Variants in CRB1 observed in about 807,000 individuals in gnomAD.
CRB1 encodes protein crumbs homolog 1.
CRB1 carries 83 observed loss-of-function variants against 120.0 expected under a neutral mutation model. The ratio of observed to expected loss-of-function variants is 0.69; its 90% CI spans 0.58 to 0.83. CRB1 has a LOEUF of 0.83. Ranked by LOEUF, CRB1 falls within the 40% of genes least tolerant of loss-of-function variation. CRB1 has a pLI of 0.00. For missense variants in CRB1, 1,699 were observed against 1,687.6 expected (o/e 1.01, Z -0.12); for synonymous variants, 625 against 612.5 (o/e 1.02, Z -0.30).
At chr1:197,377,890 A>C (rs758541673) in intron 5 of CRB1, among the ~76,000 whole-genome samples, 8 of 152,176 alleles carry the variant, frequency 5.3e-5, no homozygotes, top group Non-Finnish European at 1.0e-4. Flanking sequence ...TGTGCAATGA[A>C]GCACTTCCTA....
the CRB1 span, among the ~76,000 whole-genome samples, chr1:197,217,452 A>G: frequency 7.9e-5 from 12 of 152,188 alleles, no homozygotes; most frequent in African/African-American, 2.9e-4. Context: ...GGATAAACAA[A>G]ATTTGGTATA....
At chr1:197,368,272 T>A (rs910548241) in intron 5 of CRB1, among the ~76,000 whole-genome samples, 10 of 152,196 alleles carry the variant, frequency 6.6e-5, no homozygotes, top group Non-Finnish European at 1.3e-4. Flanking sequence ...AAACAGATAT[T>A]TGATATGCAT....
At chr1:197,290,352 A>C (rs1200806683) in intron 1 of CRB1, among the ~76,000 whole-genome samples, 1 of 151,018 alleles carries the variant, frequency 6.6e-6, no homozygotes, top group Non-Finnish European at 1.5e-5. Flanking sequence ...TAAATGGGAT[A>C]GATGCAGAGT....
intron 4 of CRB1, among the ~76,000 whole-genome samples, chr1:197,348,427 TA>T (rs1177636911): frequency 6.6e-6 from 1 of 152,214 alleles, no homozygotes; most frequent in Non-Finnish European, 1.5e-5. Flanking sequence ...TTTAAAAGCT[TA>T]AAAAATTCAA....
chr1:197,282,669 A>G (rs1218909687), intron 1 of CRB1, among the ~76,000 whole-genome samples: 2 of 151,908 alleles, frequency 1.3e-5, no homozygotes, highest in Non-Finnish European at 2.9e-5. Context: ...GCACACATAT[A>G]CACACATATA....
the CRB1 span, among the ~76,000 whole-genome samples, chr1:197,217,290 T>G: frequency 5.3e-5 from 8 of 152,106 alleles, no homozygotes; most frequent in African/African-American, 4.8e-5. Context: ...TTCCTCAACA[T>G]CAAACATGTG....
chr1:197,415,183 G>T, intron 5 of CRB1, among the ~76,000 whole-genome samples: 1 of 152,140 alleles, frequency 6.6e-6, no homozygotes, highest in Non-Finnish European at 1.5e-5. Flanking sequence ...TGCCCACAAA[G>T]GATAAATGAG....
the CRB1 span, chr1:197,222,171 T>TCCTGCCGGCCCGCTCCTTGTTGC: frequency 2.4e-6 from 1 of 414,982 alleles, no homozygotes; most frequent in South Asian, 2.1e-5. Flanking sequence ...CTTGCCTGTG[T>TCCTGCCGGCCCGCTCCTTGTTGC]CCTGCCGGCC....
the CRB1 span, among the ~76,000 whole-genome samples, chr1:197,245,352 C>T: frequency 1.3e-5 from 2 of 151,960 alleles, no homozygotes; most frequent in Non-Finnish European, 2.9e-5. Flanking sequence ...TCTTTGTTAG[C>T]TGGGCACAAT....
At chr1:197,252,570 ATATATATATATATGTG>A in the CRB1 span, among the ~76,000 whole-genome samples, 26 of 48,630 alleles carry the variant, frequency 5.3e-4, no homozygotes, top group African/African-American at 1.5e-3. Flanking sequence ...ATATATATAT[ATATATATATATATGTG>A]TGTGTGTGTG....
the CRB1 span, among the ~76,000 whole-genome samples, chr1:197,217,449 C>T: frequency 6.6e-5 from 10 of 152,026 alleles, no homozygotes; most frequent in African/African-American, 2.4e-4. Flanking sequence ...AACGGATAAA[C>T]AAAATTTGGT....
chr1:197,372,254 T>C (rs1661409503), intron 5 of CRB1, among the ~76,000 whole-genome samples: 1 of 152,164 alleles, frequency 6.6e-6, no homozygotes, highest in Non-Finnish European at 1.5e-5. Context: ...CCAATCATCA[T>C]CTTAACTTTA....
intron 11 of CRB1, among the ~76,000 whole-genome samples, chr1:197,460,279 T>G (rs1666469175): frequency 6.6e-6 from 1 of 152,116 alleles, no homozygotes; most frequent in African/African-American, 2.4e-5. Context: ...TAAGGAACTA[T>G]ATTTACTCAC....
the CRB1 span, among the ~76,000 whole-genome samples, chr1:197,211,546 G>T: frequency 1.3e-5 from 2 of 152,164 alleles, no homozygotes; most frequent in African/African-American, 4.8e-5. Context: ...TCATGTGGCA[G>T]AAGGCAGAAG....
the CRB1 span, chr1:197,222,375 G>A: frequency 3.9e-6 from 3 of 762,376 alleles, no homozygotes; most frequent in South Asian, 4.0e-5. Context: ...CTCTGTGAAG[G>A]AAAACCTTTC....
chr1:197,201,507 C>G, the CRB1 span, among the ~76,000 whole-genome samples: 1 of 152,224 alleles, frequency 6.6e-6, no homozygotes, highest in Admixed American at 6.5e-5. Context: ...GTTCCCCGTA[C>G]TCCCTCGGAG....
rs1016244815 is a variant in CRB1, at chr1:197,434,811, G to T, written c.2948G>T (p.Arg983Met). 1 of 1,613,686 alleles carries T rather than the reference G, an allele frequency of 6.2e-7. No individual in the cohort carries two copies. The highest frequency in any genetic ancestry group is 2.2e-5 in the East Asian group (1 of 44,878). The change falls in exon 9 of 12, where the codon AGG (arginine) becomes ATG (methionine). Residue 983 changes from arginine (R) to methionine (M), a missense_variant. Transcript: ENST00000367400. ...LTNITFGFRT[R>M]DANVIILHAE... ...AATATCACATTTGGTTTCAGAACAA[G>T]GGATGCAAATGTAATAATATTGCAT...
At chr1:197,448,676 A>G (rs763403067) in intron 11 of CRB1, among the ~76,000 whole-genome samples, 8 of 152,188 alleles carry the variant, frequency 5.3e-5, no homozygotes, top group Non-Finnish European at 7.3e-5. Flanking sequence ...CAGAAATTTC[A>G]GATCTTGTAT....
chr1:197,280,599 A>G (rs1655463682), intron 1 of CRB1, among the ~76,000 whole-genome samples: 1 of 151,904 alleles, frequency 6.6e-6, no homozygotes, highest in African/African-American at 2.4e-5. Flanking sequence ...ACATTTCTTT[A>G]AGGTATTTTT....
Sources: gnomAD v4.1 joint callset for allele counts (sites outside exome capture counted in the v4.1 genomes callset) on GRCh38, gnomAD v4.1.1 for gene constraint, MANE v1.5 for transcripts, NCBI Gene and HGNC (gene_info 2026-07-23, HGNC 2026-07-21) for gene names.